Variants in COL3A1 observed in about 807,000 individuals in gnomAD.
COL3A1 encodes the protein collagen type III alpha 1 chain.
Under a neutral mutation model 200.9 loss-of-function variants are expected in COL3A1, and 46 were observed. The observed-to-expected ratio is 0.23, with a 90% CI of 0.18 to 0.29. The LOEUF (loss-of-function observed/expected upper bound fraction) is 0.29, where lower values mean the gene tolerates loss of function less well. Ranked by LOEUF, COL3A1 falls within the 10% of genes least tolerant of loss-of-function variation. COL3A1 has a pLI of 1.00. For synonymous variants in COL3A1, 650 were observed against 628.0 expected (o/e 1.03, Z -0.52); for missense variants, 1,367 against 1,917.6 (o/e 0.71, Z 5.36).
chr2:188,996,611 A>T, intron 24 of COL3A1, 115 bp downstream of exon 24: 1 of 847,040 alleles, frequency 1.2e-6, no homozygotes, highest in East Asian at 2.7e-5. Context: ...GGAGGAGTAT[A>T]TGAAAATCAA....
chr2:189,006,570 C>G, intron 43 of COL3A1, 118 bp downstream of exon 43: 1 of 984,474 alleles, frequency 1.0e-6, no homozygotes, highest in South Asian at 1.4e-5. Flanking sequence ...ATTTGTTTTA[C>G]AGTTTTAATG....
At chr2:188,981,120 A>C (rs967723826) in intron 1 of COL3A1, among the ~76,000 whole-genome samples, 3 of 151,526 alleles carry the variant, frequency 2.0e-5, no homozygotes, top group African/African-American at 4.8e-5. Flanking sequence ...TGATTTCTTC[A>C]AGTCAGCATG....
chr2:188,992,824 A>G (rs1688215921), intron 14 of COL3A1, 63 bp from the exon 15 acceptor site: 1 of 1,257,304 alleles, frequency 8.0e-7, no homozygotes, highest in Non-Finnish European at 1.2e-6. Context: ...TCACTTATTT[A>G]CTAGTATGTC....
At chr2:188,997,074 CATATATATATGAGACAT>C in intron 24 of COL3A1, 74 bp from the exon 25 acceptor site, 1 of 835,286 alleles carries the variant, frequency 1.2e-6, no homozygotes, top group Non-Finnish European at 2.0e-6. Flanking sequence ...ATATATGAGA[CATATATATATGAGACAT>C]ATATATATGA....
chr2:189,003,289 C>A, intron 36 of COL3A1, 122 bp from the exon 37 acceptor site: 1 of 851,290 alleles, frequency 1.2e-6, no homozygotes, highest in Non-Finnish European at 2.0e-6. Context: ...TGAATCTCAG[C>A]ACCAGCAATC....
intron 44 of COL3A1, among the ~76,000 whole-genome samples, 179 bp downstream of exon 44, chr2:189,007,169 AG>A (rs1688611797): frequency 2.9e-5 from 1 of 34,254 alleles, no homozygotes; most frequent in Non-Finnish European, 7.3e-5. Context: ...GATGATAGAT[AG>A]ATAGATAGAT....
intron 10 of COL3A1, 72 bp downstream of exon 10, chr2:188,990,432 G>A: frequency 8.5e-7 from 1 of 1,171,914 alleles, no homozygotes; most frequent in Non-Finnish European, 1.3e-6. Flanking sequence ...CAATTTTACT[G>A]GACAATTATG....
rs561556753 is a variant in COL3A1, at chr2:189,011,751, G to A, written c.4378G>A (p.Val1460Ile). The A allele has an allele frequency of 9.3e-6, 15 of 1,613,946 alleles. No individual in the cohort carries two copies. Among genetic ancestry groups the A allele is most frequent in the Admixed American group, 5.0e-5 (3 of 60,006 alleles). The change falls in exon 51 of 51, where the codon GTT becomes ATT. Residue 1460 changes from valine to isoleucine, a missense_variant. By Grantham distance (29) the Val-to-Ile change is conservative (BLOSUM62 3). Coordinates refer to ENST00000304636, the MANE Select transcript of COL3A1 (RefSeq NM_000090.4). ...GGPDQEFGVD[V>I]GPVCFL ...TCCTGATCAAGAATTTGGTGTGGAC[G>A]TTGGCCCTGTTTGCTTTTTATAAAC...
intron 23 of COL3A1, 69 bp downstream of exon 23, chr2:188,996,247 T>TGA: frequency 8.0e-7 from 1 of 1,254,758 alleles, no homozygotes; most frequent in South Asian, 1.2e-5. Context: ...GGCCTATCCT[T>TGA]GAGTGTGTGT....
intron 50 of COL3A1, among the ~76,000 whole-genome samples, chr2:189,011,389 G>A (rs957815316): frequency 6.6e-6 from 1 of 152,150 alleles, no homozygotes; most frequent in Non-Finnish European, 1.5e-5. Flanking sequence ...GGATGCACTG[G>A]TCTATAGCAA....
intron 1 of COL3A1, among the ~76,000 whole-genome samples, chr2:188,982,061 T>G (rs1238453113): frequency 6.6e-6 from 1 of 151,610 alleles, no homozygotes; most frequent in East Asian, 1.9e-4. Context: ...CTCTTTTTTT[T>G]ACTTAAAACA....
chr2:188,997,794 T>C (rs1282440467), intron 27 of COL3A1, 41 bp downstream of exon 27: 5 of 1,582,936 alleles, frequency 3.2e-6, no homozygotes, highest in East Asian at 4.5e-5. Context: ...TATCTGACTG[T>C]CAAATTTTTT....
Position 189,010,853 on chromosome 2 carries a change from G to A in COL3A1, c.4217G>A (p.Ser1406Asn). Residue 1406 changes from serine to asparagine, a missense_variant, in exon 50 of 51, where the codon AGC (serine) becomes AAC (asparagine). By Grantham distance (46) the Ser-to-Asn change is conservative (BLOSUM62 1). Coordinates refer to ENST00000304636, the MANE Select transcript of COL3A1 (RefSeq NM_000090.4). ...NEGEFKAEGN[S>N]KFTYTVLEDG... ...GGTGAATTCAAGGCTGAAGGAAATA[G>A]CAAATTCACCTACACAGTTCTGGAG... 1 of 1,614,172 alleles carries A rather than the reference G, an allele frequency of 6.2e-7. No homozygotes were observed. Among genetic ancestry groups the A allele is most frequent in the South Asian group, 1.1e-5 (1 of 91,086 alleles).
chr2:188,992,776 T>G, intron 14 of COL3A1, 111 bp from the exon 15 acceptor site: 1 of 878,588 alleles, frequency 1.1e-6, no homozygotes, highest in Admixed American at 1.8e-5. Context: ...TGAATATCAT[T>G]TTTATCTGCA....
At chr2:188,999,148 C>A in intron 29 of COL3A1, 137 bp from the exon 30 acceptor site, 1 of 855,940 alleles carries the variant, frequency 1.2e-6, no homozygotes, top group Admixed American at 2.1e-5. Context: ...AGCTGTTCAA[C>A]TATTTTTAAG....
At chr2:188,998,624 C>A in intron 28 of COL3A1, 50 bp from the exon 29 acceptor site, 1 of 1,560,240 alleles carries the variant, frequency 6.4e-7, no homozygotes, top group Non-Finnish European at 8.8e-7. Context: ...CTTATATTTA[C>A]ATAAAATGCA....
intron 31 of COL3A1, 88 bp from the exon 32 acceptor site, chr2:188,999,754 C>T (rs1328909543): frequency 7.1e-7 from 1 of 1,412,126 alleles, no homozygotes; most frequent in South Asian, 1.2e-5. Flanking sequence ...CAATATATAT[C>T]CCTACAAATC....
intron 1 of COL3A1, among the ~76,000 whole-genome samples, chr2:188,984,057 C>T (rs1008604573): frequency 4.6e-5 from 7 of 151,996 alleles, no homozygotes; most frequent in Admixed American, 3.9e-4. Context: ...CATATTTTCC[C>T]TATTATTTTT....
At chr2:188,999,225 AG>A (rs1688396698) in intron 29 of COL3A1, 59 bp from the exon 30 acceptor site, 1 of 1,443,970 alleles carries the variant, frequency 6.9e-7, no homozygotes, top group African/African-American at 1.4e-5. Flanking sequence ...ATGCAAGTTA[AG>A]GTGCTTTGTT....
Sources: gnomAD v4.1 joint callset for allele counts (sites outside exome capture counted in the v4.1 genomes callset) on GRCh38, gnomAD v4.1.1 for gene constraint, MANE v1.5 for transcripts, NCBI Gene and HGNC (gene_info 2026-07-23, HGNC 2026-07-21) for gene names.